Variants in SPAG16 observed in about 807,000 individuals in gnomAD.
The protein encoded by SPAG16 is sperm-associated antigen 16 protein.
Under a neutral mutation model 80.4 loss-of-function variants are expected in SPAG16, and 86 were observed. That is an observed-to-expected ratio of 1.07 (90% CI 0.90 to 1.28). The LOEUF (loss-of-function observed/expected upper bound fraction) is 1.28. SPAG16 is among the 50% of genes most tolerant of loss of function. The pLI, the probability that SPAG16 is intolerant of heterozygous loss-of-function variation, is 0.00. For missense variants in SPAG16, 870 were observed against 765.3 expected (o/e 1.14, Z -1.61); for synonymous variants, 294 against 265.9 (o/e 1.11, Z -1.03).
chr2:213,696,005 G>A (rs572185909), intron 10 of SPAG16, among the ~76,000 whole-genome samples: 1 of 152,176 alleles, frequency 6.6e-6, no homozygotes. Flanking sequence ...AAGTAATGTA[G>A]GTGAGAGATA....
intron 15 of SPAG16, among the ~76,000 whole-genome samples, chr2:214,304,829 A>G (rs1694803740): frequency 1.3e-5 from 2 of 152,068 alleles, no homozygotes; most frequent in South Asian, 2.1e-4. Flanking sequence ...TAGTACTGCA[A>G]TGAACATACA....
intron 15 of SPAG16, chr2:214,239,030 A>T (rs916863955): frequency 1.3e-5 from 2 of 151,954 alleles, no homozygotes; most frequent in Non-Finnish European, 2.9e-5. Context: ...GGTTTAAAAA[A>T]CTCATAATAT....
intron 12 of SPAG16, among the ~76,000 whole-genome samples, chr2:213,941,504 A>G (rs1185885817): frequency 6.6e-6 from 1 of 152,138 alleles, no homozygotes; most frequent in East Asian, 1.9e-4. Flanking sequence ...GGATCGTGAC[A>G]TAAATTTCCC....
intron 10 of SPAG16, among the ~76,000 whole-genome samples, chr2:213,575,692 A>G (rs921132963): frequency 6.6e-6 from 1 of 152,118 alleles, no homozygotes; most frequent in African/African-American, 2.4e-5. Flanking sequence ...TATTCATTCA[A>G]TTGTTCATTG....
At chr2:214,207,954 C>G (rs2058191324) in intron 15 of SPAG16, among the ~76,000 whole-genome samples, 1 of 152,212 alleles carries the variant, frequency 6.6e-6, no homozygotes, top group Non-Finnish European at 1.5e-5. Context: ...AGGCCTTCGG[C>G]CACACACGGA....
intron 15 of SPAG16, among the ~76,000 whole-genome samples, chr2:214,313,579 A>G (rs1695474750): frequency 6.6e-6 from 1 of 152,170 alleles, no homozygotes; most frequent in African/African-American, 2.4e-5. Flanking sequence ...CATAAATATT[A>G]TCTAGTTTGA....
chr2:214,302,283 T>C (rs1694606710), intron 15 of SPAG16, among the ~76,000 whole-genome samples: 1 of 152,202 alleles, frequency 6.6e-6, no homozygotes, highest in African/African-American at 2.4e-5. Context: ...TCCTTAAATG[T>C]CTATCAGGTC....
At chr2:213,969,872 A>G (rs1348628523) in intron 12 of SPAG16, among the ~76,000 whole-genome samples, 2 of 152,146 alleles carry the variant, frequency 1.3e-5, no homozygotes, top group African/African-American at 2.4e-5. Context: ...AACAGTTAAA[A>G]AAAAGGCACA....
At chr2:213,325,314 T>G (rs191129838) in intron 5 of SPAG16, among the ~76,000 whole-genome samples, 2 of 152,186 alleles carry the variant, frequency 1.3e-5, no homozygotes, top group Non-Finnish European at 2.9e-5. Flanking sequence ...CACAGAGATA[T>G]TCTGTGTTTT....
intron 13 of SPAG16, among the ~76,000 whole-genome samples, chr2:214,068,865 T>TC (rs2050651702): frequency 6.6e-6 from 1 of 152,094 alleles, no homozygotes. Context: ...CATTTTTTTT[T>TC]CCCTGACACC....
At chr2:214,167,470 T>A (rs72941962) in intron 15 of SPAG16, among the ~76,000 whole-genome samples, 12,126 of 152,134 alleles carry the variant, frequency 0.08, 558 homozygotes, top group Middle Eastern at 0.11. Context: ...TTATCACATT[T>A]TAGCTGCATT....
intron 13 of SPAG16, among the ~76,000 whole-genome samples, chr2:214,019,765 T>C (rs1000569126): frequency 6.6e-6 from 1 of 152,096 alleles, no homozygotes; most frequent in African/African-American, 2.4e-5. Context: ...CCTCTCTCTT[T>C]TATCCCTCAG....
chr2:213,908,931 C>G (rs150080300), intron 11 of SPAG16, among the ~76,000 whole-genome samples: 2 of 150,914 alleles, frequency 1.3e-5, no homozygotes, highest in East Asian at 1.9e-4. Flanking sequence ...TCCTCCCCCC[C>G]ACCACACAAC....
At position 214,338,090 on chromosome 2, in the gene SPAG16, A is replaced by C. The variant is rs146901533; in HGVS notation, c.1721-72050A>C. Among the ~76,000 whole-genome samples the C allele has an allele frequency of 1.9e-4, 29 of 152,354 alleles. 1 individual carries two copies. Among genetic ancestry groups the C allele is most frequent in the African/African-American group, 5.3e-4 (22 of 41,590 alleles). On this transcript the variant is annotated intron_variant, in intron 15 of 15. Transcript: ENST00000331683. ...ATATAGGTGAAACCCAAAGTTAGCT[A>C]ATTCTATTTGTAAGCCATTCAGTTT...
intron 10 of SPAG16, among the ~76,000 whole-genome samples, chr2:213,665,381 C>A (rs1306338681): frequency 2.0e-5 from 3 of 148,930 alleles, no homozygotes; most frequent in Non-Finnish European, 4.4e-5. Context: ...AACACACACA[C>A]ACATACACAC....
chr2:213,724,652 C>T (rs920673011), intron 10 of SPAG16, among the ~76,000 whole-genome samples: 1 of 151,558 alleles, frequency 6.6e-6, no homozygotes, highest in Non-Finnish European at 1.5e-5. Flanking sequence ...GTGGCGAGTG[C>T]CTGTAGTCCC....
At chr2:213,284,694 C>A in intron 1 of SPAG16, 75 bp downstream of exon 1, 1 of 1,504,058 alleles carries the variant, frequency 6.6e-7, no homozygotes, top group East Asian at 2.4e-5. Flanking sequence ...GGGCCTCCCA[C>A]TGGCGGCGCC....
At chr2:213,402,639 A>G (rs2068381139) in intron 9 of SPAG16, among the ~76,000 whole-genome samples, 1 of 145,268 alleles carries the variant, frequency 6.9e-6, no homozygotes, top group Non-Finnish European at 1.5e-5. Context: ...ATGTGTTCTC[A>G]TTGTTCAATT....
chr2:214,285,759 C>T (rs368534397), intron 15 of SPAG16, among the ~76,000 whole-genome samples: 6 of 152,078 alleles, frequency 3.9e-5, no homozygotes, highest in African/African-American at 1.4e-4. Context: ...ACCAAGATCA[C>T]ACCACTACAC....
Sources: allele counts gnomAD v4.1 joint callset (sites outside exome capture counted in the v4.1 genomes callset), GRCh38; gene constraint gnomAD v4.1.1; transcripts MANE v1.5; gene names NCBI Gene and HGNC (gene_info 2026-07-23, HGNC 2026-07-21).